The following PDE10A variants were observed in gnomAD, a reference collection of about 807,000 sequenced individuals.
PDE10A encodes the protein phosphodiesterase 10A.
PDE10A carries 39 observed loss-of-function variants against 97.7 expected under a neutral mutation model. That is an observed-to-expected ratio of 0.40 (90% confidence interval 0.31 to 0.52). The LOEUF is 0.52. Ranked by LOEUF, PDE10A falls within the 20% of genes least tolerant of loss-of-function variation. PDE10A has a pLI of 0.56. For synonymous variants in PDE10A, 371 were observed against 376.8 expected (o/e 0.98, Z 0.18); for missense variants, 731 against 1,047.8 (o/e 0.70, Z 4.17).
intron 1 of PDE10A, among the ~76,000 whole-genome samples, chr6:165,740,286 C>A (rs754239637): frequency 1.3e-5 from 2 of 149,696 alleles, no homozygotes; most frequent in Admixed American, 6.7e-5. Flanking sequence ...TACACATATA[C>A]AATGGAATAC....
rs386409260 is a variant in PDE10A, at chr6:165,567,994, A to ATT, written c.866-24428_866-24427dup. On this transcript the variant is annotated intron_variant, in intron 1 of 21. Transcript: ENST00000539869. ...GCACACAATAGGTACGCAACAAGGC[A>ATT]TTTTTTTTTTTTTTTTTTTTTTGAG... Among the ~76,000 whole-genome samples, 950 of 130,566 alleles carry ATT rather than the reference A, an allele frequency of 7.3e-3. 27 individuals are homozygous for ATT. Among genetic ancestry groups the ATT allele is most frequent in the African/African-American group, 0.018 (596 of 32,484 alleles). 85.7% of individuals were successfully genotyped at this position (130,566 alleles called of 152,430 possible). A position where few individuals can be genotyped will look rare whatever the true frequency, so the allele number is the denominator to read the frequency against.
At chr6:165,887,952 C>T (rs9365933) in intron 1 of PDE10A, among the ~76,000 whole-genome samples, 38,049 of 152,034 alleles carry the variant, frequency 0.25, 5,616 homozygotes, top group African/African-American at 0.41. Flanking sequence ...CTCCTCTTTG[C>T]ATCTCTTACC....
In PDE10A at chr6:165,943,223, GAAA is replaced by G. The variant is rs1562809716; in HGVS notation, c.-615+44303_-615+44305del. 6.0e-3 allele frequency among the ~76,000 whole-genome samples: 386 copies of G among 64,410 alleles called. 4 individuals carry two copies. The highest frequency in any genetic ancestry group is 8.6e-3 in the Non-Finnish European group (276 of 32,026). 42.3% of individuals were successfully genotyped at this position (64,410 alleles called of 152,430 possible). A position where few individuals can be genotyped will look rare whatever the true frequency, so the allele number is the denominator to read the frequency against. ...AGAAAGAAAGAAAGAAAGAAAGAAA[GAAA>G]GAAAGAAAGAAGGAAGGAAGGAAGG... On this transcript the variant is annotated intron_variant, in intron 1 of 19. Coordinates refer to the PDE10A transcript ENST00000366882.
intron 1 of PDE10A, among the ~76,000 whole-genome samples, chr6:165,723,781 A>C (rs1371449205): frequency 1.3e-5 from 2 of 152,208 alleles, no homozygotes; most frequent in Non-Finnish European, 2.9e-5. Context: ...AGTTGCCTCC[A>C]ATTGGATACC....
intron 1 of PDE10A, among the ~76,000 whole-genome samples, chr6:165,668,718 AAG>A (rs1002287543): frequency 6.6e-5 from 10 of 150,406 alleles, no homozygotes; most frequent in Middle Eastern, 3.4e-3. Flanking sequence ...AAAAGAAAGA[AAG>A]AGAGAGAGAA....
upstream of PDE10A, among the ~76,000 whole-genome samples, chr6:165,666,241 A>G (rs1240316150): frequency 1.3e-5 from 2 of 152,190 alleles, no homozygotes; most frequent in African/African-American, 4.8e-5. Flanking sequence ...TACAGTTGTA[A>G]ATTTCACATC....
chr6:165,730,978 G>A (rs1247541094), intron 1 of PDE10A, among the ~76,000 whole-genome samples: 1 of 152,176 alleles, frequency 6.6e-6, no homozygotes, highest in Non-Finnish European at 1.5e-5. Flanking sequence ...CCAGGGAGGC[G>A]GAGGTTGCAG....
chr6:165,481,616 G>A (rs1051652629), intron 3 of PDE10A, among the ~76,000 whole-genome samples: 1 of 152,062 alleles, frequency 6.6e-6, no homozygotes, highest in East Asian at 1.9e-4. Context: ...CTTTATCTGT[G>A]TAATACAGAA....
rs748139541 is a variant in PDE10A at position 165,823,482 on chromosome 6, TTATATATATATATATATATATATA to T, written c.-615+164023_-615+164046del. Among the ~76,000 whole-genome samples the T allele has an allele frequency of 7.2e-4, 27 of 37,472 alleles. 1 individual carries two copies. In the East Asian group the frequency reaches 0.019, roughly 27 times the overall value. 24.6% of individuals were successfully genotyped at this position (37,472 alleles called of 152,430 possible). A position where few individuals can be genotyped will look rare whatever the true frequency, so the allele number is the denominator to read the frequency against. ...GCCTGGGGCTGCTTTATAGTTAACT[TTATATATATATATATATATATATA>T]TATATATATATATATATATGAACCT... On this transcript the variant is annotated intron_variant, in intron 1 of 19. Coordinates refer to the PDE10A transcript ENST00000366882.
chr6:165,420,006 C>G (rs1037931260), intron 10 of PDE10A, among the ~76,000 whole-genome samples: 1 of 152,200 alleles, frequency 6.6e-6, no homozygotes, highest in Non-Finnish European at 1.5e-5. Context: ...CAAACAAATA[C>G]TGGCTGTGCC....
At chr6:165,782,664 C>A (rs545682831) in intron 1 of PDE10A, among the ~76,000 whole-genome samples, 1 of 152,202 alleles carries the variant, frequency 6.6e-6, no homozygotes, top group Non-Finnish European at 1.5e-5. Context: ...CCATGTATAA[C>A]GTAGTATTCA....
intron 18 of PDE10A, among the ~76,000 whole-genome samples, chr6:165,345,664 C>A (rs1337550749): frequency 6.6e-6 from 1 of 152,216 alleles, no homozygotes; most frequent in Non-Finnish European, 1.5e-5. Flanking sequence ...GAGCCCAACA[C>A]AATGCCTATG....
At chr6:165,948,652 G>A (rs952102369) in intron 1 of PDE10A, 6 of 152,438 alleles carry the variant, frequency 3.9e-5, no homozygotes, top group Non-Finnish European at 7.3e-5. Flanking sequence ...AGAAACCATC[G>A]AGGTGAGAAA....
intron 1 of PDE10A, among the ~76,000 whole-genome samples, chr6:165,610,802 T>C (rs1787457871): frequency 6.6e-6 from 1 of 152,152 alleles, no homozygotes; most frequent in South Asian, 2.1e-4. Context: ...CATAAAACAA[T>C]AGAAAGATCA....
chr6:165,719,248 G>A (rs552176545), intron 1 of PDE10A, among the ~76,000 whole-genome samples: 1 of 152,316 alleles, frequency 6.6e-6, no homozygotes, highest in East Asian at 1.9e-4. Flanking sequence ...CATGTTCAAT[G>A]GCACAGCACA....
intron 19 of PDE10A, among the ~76,000 whole-genome samples, 193 bp downstream of exon 19, chr6:165,343,198 C>A (rs1385171987): frequency 1.3e-5 from 2 of 152,194 alleles, no homozygotes; most frequent in Admixed American, 1.3e-4. Context: ...GAATTAGACA[C>A]ACATGTAAGT....
chr6:165,811,498 T>G (rs1258117138), intron 1 of PDE10A, among the ~76,000 whole-genome samples: 3 of 152,170 alleles, frequency 2.0e-5, no homozygotes, highest in Non-Finnish European at 1.5e-5. Context: ...CCATTCTGCT[T>G]CTTATGTCCT....
intron 2 of PDE10A, among the ~76,000 whole-genome samples, chr6:165,503,968 G>C (rs1469851123): frequency 6.6e-6 from 1 of 152,154 alleles, no homozygotes; most frequent in Non-Finnish European, 1.5e-5. Flanking sequence ...CACAAAGAAA[G>C]CCAAAATTAT....
intron 1 of PDE10A, among the ~76,000 whole-genome samples, chr6:165,713,711 G>A (rs963948859): frequency 6.6e-6 from 1 of 152,222 alleles, no homozygotes; most frequent in Non-Finnish European, 1.5e-5. Flanking sequence ...CAGGACTTCT[G>A]TGTGTAGTGT....
Sources: allele counts gnomAD v4.1 joint callset (sites outside exome capture counted in the v4.1 genomes callset), GRCh38; gene constraint gnomAD v4.1.1; transcripts MANE v1.5; gene names NCBI Gene and HGNC (gene_info 2026-07-23, HGNC 2026-07-21).